MMP26: variants seen among roughly 807,000 people sequenced by gnomAD.
MMP26 encodes the protein matrix metalloproteinase-26.
MMP26 carries 33 observed loss-of-function variants against 31.0 expected under a neutral mutation model. The ratio of observed to expected loss-of-function variants is 1.06; its 90% CI spans 0.81 to 1.42. MMP26 has a LOEUF of 1.42. MMP26 is among the 40% of genes most tolerant of loss of function. MMP26 has a pLI of 0.00. For missense variants in MMP26, 347 were observed against 316.1 expected (o/e 1.10, Z -0.74); for synonymous variants, 122 against 114.9 (o/e 1.06, Z -0.40).
intron 2 of MMP26, among the ~76,000 whole-genome samples, chr11:4,779,156 G>A (rs1250783248): frequency 6.6e-6 from 1 of 151,908 alleles, no homozygotes; most frequent in Non-Finnish European, 1.5e-5. Context: ...AGTAGAAGTG[G>A]TGATGTTAGG....
intron 2 of MMP26, chr11:4,944,260 T>C: frequency 6.5e-6 from 2 of 307,276 alleles, no homozygotes; most frequent in Non-Finnish European, 1.3e-5. Flanking sequence ...TTCAAGATAA[T>C]ACTATCCTGG....
At chr11:4,874,862 C>G (rs183525572) in intron 2 of MMP26, among the ~76,000 whole-genome samples, 62 of 152,082 alleles carry the variant, frequency 4.1e-4, no homozygotes, top group African/African-American at 1.4e-3. Context: ...GTCTGTGATT[C>G]CCCATAGATT....
At chr11:4,794,855 G>T (rs1849084101) in intron 2 of MMP26, 1 of 152,332 alleles carries the variant, frequency 6.6e-6, no homozygotes, top group East Asian at 1.9e-4. Flanking sequence ...CACCATATAT[G>T]TTATTTTCTG....
chr11:4,977,605 C>T (rs1846755421), intron 2 of MMP26, among the ~76,000 whole-genome samples: 1 of 152,108 alleles, frequency 6.6e-6, no homozygotes, highest in African/African-American at 2.4e-5. Flanking sequence ...CACTGAGCAT[C>T]AGCTGCAGTT....
chr11:4,790,179 A>C (rs879536429), intron 2 of MMP26, among the ~76,000 whole-genome samples: 2 of 152,028 alleles, frequency 1.3e-5, no homozygotes, highest in Admixed American at 6.5e-5. Context: ...GTCTCTACTA[A>C]AAATACAAAA....
At chr11:4,811,272 A>G (rs966823035) in intron 2 of MMP26, among the ~76,000 whole-genome samples, 1 of 152,198 alleles carries the variant, frequency 6.6e-6, no homozygotes, top group African/African-American at 2.4e-5. Flanking sequence ...TGCATGTCAC[A>G]GGGGTTTGGT....
chr11:4,944,153 TAGGAAC>T (rs1338098230), intron 2 of MMP26: 1 of 453,900 alleles, frequency 2.2e-6, no homozygotes, highest in South Asian at 1.6e-5. Flanking sequence ...ACCTCAAACA[TAGGAAC>T]AGTTCTTGCC....
intron 2 of MMP26, among the ~76,000 whole-genome samples, chr11:4,981,782 T>A (rs1010844664): frequency 6.6e-6 from 1 of 152,068 alleles, no homozygotes; most frequent in South Asian, 2.1e-4. Flanking sequence ...TTTTTCTTTA[T>A]ATCCTTATTC....
intron 2 of MMP26, among the ~76,000 whole-genome samples, chr11:4,799,999 A>G (rs879388430): frequency 6.6e-5 from 10 of 152,248 alleles, no homozygotes; most frequent in Non-Finnish European, 8.8e-5. Flanking sequence ...GACTGCTCTC[A>G]TGGACTGGAG....
chr11:4,749,132 A>C (rs1423466090), intron 1 of MMP26, among the ~76,000 whole-genome samples: 1 of 152,132 alleles, frequency 6.6e-6, no homozygotes, highest in Non-Finnish European at 1.5e-5. Context: ...AATCAGTAGC[A>C]TTTCTAAATA....
At chr11:4,914,879 C>T (rs760999406) in intron 2 of MMP26, 1 of 1,614,034 alleles carries the variant, frequency 6.2e-7, no homozygotes, top group South Asian at 1.1e-5. Context: ...GACAGAGAGG[C>T]CAATCATGGG....
At chr11:4,773,571 A>C (rs1389033925) in intron 2 of MMP26, among the ~76,000 whole-genome samples, 2 of 151,114 alleles carry the variant, frequency 1.3e-5, no homozygotes, top group East Asian at 3.9e-4. Context: ...ACTTACAGGA[A>C]TTCAGAGGTG....
chr11:4,957,102 G>A (rs938439612), intron 2 of MMP26, among the ~76,000 whole-genome samples: 3 of 152,162 alleles, frequency 2.0e-5, no homozygotes, highest in Admixed American at 6.5e-5. Flanking sequence ...ATAATTAGGT[G>A]TATACCACAC....
intron 2 of MMP26, among the ~76,000 whole-genome samples, chr11:4,987,200 G>A (rs1381947977): frequency 6.6e-6 from 1 of 151,146 alleles, no homozygotes; most frequent in Non-Finnish European, 1.5e-5. Flanking sequence ...TGATTTCTAA[G>A]GTAATAGCTG....
intron 2 of MMP26, among the ~76,000 whole-genome samples, chr11:4,831,887 A>G (rs1371532041): frequency 6.6e-6 from 1 of 152,228 alleles, no homozygotes; most frequent in African/African-American, 2.4e-5. Context: ...ATATCAGGGA[A>G]TAAAGATAGA....
intron 2 of MMP26, among the ~76,000 whole-genome samples, chr11:4,958,108 C>G (rs983833247): frequency 6.6e-6 from 1 of 152,112 alleles, no homozygotes; most frequent in Non-Finnish European, 1.5e-5. Flanking sequence ...CCCATGATGG[C>G]GCCAGCTCCT....
At chr11:4,797,195 A>G (rs1165789280) in intron 2 of MMP26, among the ~76,000 whole-genome samples, 2 of 152,178 alleles carry the variant, frequency 1.3e-5, no homozygotes, top group South Asian at 2.1e-4. Flanking sequence ...CAATTACAAA[A>G]CATGACTGTT....
In MMP26 at chr11:4,988,063, A is replaced by G. The variant is rs1384344659; in HGVS notation, c.-144-5A>G. 4.2e-6 allele frequency: 3 copies of G among 715,556 alleles called. No individual in the cohort carries two copies. In the East Asian group the frequency reaches 7.7e-5, roughly 18 times the overall value. 44.3% of individuals were successfully genotyped at this position (715,556 alleles called of 1,614,324 possible). A position where few individuals can be genotyped will look rare whatever the true frequency, so the allele number is the denominator to read the frequency against. The stretch of plus-strand genomic sequence containing the variant: ...CTTGCATGCTGGTCACTCTGCCCTC[A>G]GCAGGTATGGATGATGACGCCACTC... On this transcript the variant is annotated splice_polypyrimidine_tract_variant and splice_region_variant and intron_variant, in intron 2 of 7. Coordinates refer to ENST00000380390, the MANE Select transcript of MMP26 (RefSeq NM_021801.5).
At chr11:4,991,755 T>G (rs995571430) in intron 6 of MMP26, among the ~76,000 whole-genome samples, 1 of 152,162 alleles carries the variant, frequency 6.6e-6, no homozygotes, top group Non-Finnish European at 1.5e-5. Flanking sequence ...TCCATGTGTC[T>G]TTTTCACTTC....
Sources: allele counts gnomAD v4.1 joint callset (sites outside exome capture counted in the v4.1 genomes callset), GRCh38; gene constraint gnomAD v4.1.1; transcripts MANE v1.5; gene names NCBI Gene and HGNC (gene_info 2026-07-23, HGNC 2026-07-21).